Variants in SINHCAF observed in about 807,000 individuals in gnomAD.
SINHCAF encodes SIN3-HDAC complex-associated factor.
A neutral mutation model predicts 25.8 loss-of-function variants in SINHCAF; 3 were observed. The observed-to-expected ratio is 0.12, with a 90% CI of 0.05 to 0.30. The LOEUF (loss-of-function observed/expected upper bound fraction) is 0.30, where lower values mean the gene tolerates loss of function less well. Ranked by LOEUF, SINHCAF falls within the 10% of genes least tolerant of loss-of-function variation. The probability of loss-of-function intolerance (pLI) is 1.00; values close to 1 mark genes in which losing one functional copy is unlikely to be tolerated. For missense variants in SINHCAF, 121 were observed against 262.3 expected (o/e 0.46, Z 3.72); for synonymous variants, 70 against 85.5 (o/e 0.82, Z 1.00).
At chr12:31,323,901 G>C (rs1405957108) in intron 1 of SINHCAF, 4 of 453,576 alleles carry the variant, frequency 8.8e-6, no homozygotes, top group Non-Finnish European at 1.8e-5. Context: ...TCTGAAAGCA[G>C]TAAAATGCCT....
At chr12:31,302,814 C>T (rs1938862841) in intron 1 of SINHCAF, 1 of 442,688 alleles carries the variant, frequency 2.3e-6, no homozygotes, top group African/African-American at 2.2e-5. Context: ...TGATTGATTC[C>T]ATCCTGCCTT....
At chr12:31,304,343 A>G (rs1938939261) in intron 1 of SINHCAF, 2 of 152,216 alleles carry the variant, frequency 1.3e-5, no homozygotes, top group African/African-American at 4.8e-5. Flanking sequence ...TAAGCATGAT[A>G]TATAACAAAT....
intron 4 of SINHCAF, among the ~76,000 whole-genome samples, chr12:31,288,629 CGGTA>C (rs941725924): frequency 1.2e-3 from 92 of 74,214 alleles, no homozygotes; most frequent in Admixed American, 6.2e-3. Flanking sequence ...TAACACCTGG[CGGTA>C]AGTAATAGGG....
At chr12:31,314,387 G>C (rs1209548869) in intron 1 of SINHCAF, among the ~76,000 whole-genome samples, 1 of 152,014 alleles carries the variant, frequency 6.6e-6, no homozygotes, top group African/African-American at 2.4e-5. Context: ...ATAGCCGGGC[G>C]TGGTGGCGGG....
chr12:31,293,786 GTTGTAA>G lies in SINHCAF; in HGVS notation c.355+13_355+18del, dbSNP rs1453755448. On this transcript the variant is annotated intron_variant, in intron 4 of 5. Coordinates refer to ENST00000337682, the MANE Select transcript of SINHCAF (RefSeq NM_001135812.2). ...AACAAAACAATTATTAAGTACTAATGTTGTAATATCAAACTTACTATGACGTTTAAA... is the reference window on the plus strand; with the variant it reads ...AACAAAACAATTATTAAGTACTAATGTATCAAACTTACTATGACGTTTAAA... The G allele has an allele frequency of 1.3e-6, 2 of 1,592,712 alleles. No individual in the cohort carries two copies. The highest frequency in any genetic ancestry group is 1.7e-6 in the Non-Finnish European group (2 of 1,172,696).
chr12:31,323,866 G>A (rs1385110825), intron 1 of SINHCAF: 2 of 439,676 alleles, frequency 4.5e-6, no homozygotes, highest in East Asian at 1.5e-4. Context: ...CTGGGGAGGA[G>A]GTGCTCGCCG....
At chr12:31,291,132 G>A (rs1354774092) in intron 4 of SINHCAF, among the ~76,000 whole-genome samples, 1 of 152,142 alleles carries the variant, frequency 6.6e-6, no homozygotes, top group Non-Finnish European at 1.5e-5. Context: ...CAAAGCTGTG[G>A]AAGCCAAAAA....
In SINHCAF at chr12:31,292,520, G is replaced by T. The variant is rs895190867; in HGVS notation, c.355+1285C>A. 4.0e-5 allele frequency among the ~76,000 whole-genome samples: 6 copies of T among 151,652 alleles called. 1 individual carries two copies. Reference sequence around the variant, plus strand: ...TTTCAAAAAAAAAAAAGAAATAAAAGAAAATATCTAGTGAGAATGGAAGGT... The same window carrying T: ...TTTCAAAAAAAAAAAAGAAATAAAATAAAATATCTAGTGAGAATGGAAGGT... On this transcript the variant is annotated intron_variant, in intron 4 of 5. Transcript: ENST00000337682.
chr12:31,285,297 A>G (rs1429584142), intron 5 of SINHCAF, among the ~76,000 whole-genome samples: 1 of 151,916 alleles, frequency 6.6e-6, no homozygotes, highest in African/African-American at 2.4e-5. Flanking sequence ...CTGAGACAGG[A>G]AAATCGCTTG....
chr12:31,309,127 CAAAAAAAAAAAA>C (rs757095598), intron 1 of SINHCAF, among the ~76,000 whole-genome samples: 4 of 75,420 alleles, frequency 5.3e-5, no homozygotes, highest in Non-Finnish European at 7.7e-5. Context: ...GATTCTGTCT[CAAAAAAAAAAAA>C]AAAAAAAAAA....
At chr12:31,286,048 A>C (rs1462031562) in intron 5 of SINHCAF, among the ~76,000 whole-genome samples, 1 of 152,064 alleles carries the variant, frequency 6.6e-6, no homozygotes, top group Admixed American at 6.5e-5. Flanking sequence ...TACACTATGC[A>C]CTAGGCACTG....
At chr12:31,288,992 G>A (rs1938192653) in intron 4 of SINHCAF, among the ~76,000 whole-genome samples, 2 of 151,970 alleles carry the variant, frequency 1.3e-5, no homozygotes, top group South Asian at 4.2e-4. Flanking sequence ...AAAAATAAAT[G>A]GAAAATTTGT....
At position 31,307,001 on chromosome 12, in the gene SINHCAF, T is replaced by C. The variant is rs529830683; in HGVS notation, c.-20-8777A>G. Among the ~76,000 whole-genome samples the C allele has an allele frequency of 3.9e-5, 6 of 152,280 alleles. No homozygotes were observed. In the South Asian group the frequency reaches 1.2e-3, roughly 32 times the overall value. ...TAAGATACATCTGTAAACCATTCTG[T>C]CTTAGCATTATCTAGTGGTGATTCT... On this transcript the variant is annotated intron_variant, in intron 1 of 5. Transcript: ENST00000337682.
intron 1 of SINHCAF, among the ~76,000 whole-genome samples, chr12:31,302,775 T>C (rs1938860222): frequency 6.6e-6 from 1 of 152,082 alleles, no homozygotes; most frequent in Non-Finnish European, 1.5e-5. Context: ...TTAATAATTG[T>C]GTAGGCATCT....
At position 31,319,657 on chromosome 12, in the gene SINHCAF, TTC is replaced by T. The variant is rs143010324; in HGVS notation, c.-21+6365_-21+6366del. Among the ~76,000 whole-genome samples, 995 of 152,202 alleles carry T rather than the reference TTC, an allele frequency of 6.5e-3. 18 individuals carry two copies. Among genetic ancestry groups the T allele is most frequent in the African/African-American group, 0.022 (928 of 41,466 alleles). On this transcript the variant is annotated intron_variant, in intron 1 of 5. Coordinates refer to ENST00000337682, the MANE Select transcript of SINHCAF (RefSeq NM_001135812.2). ...CTTTTTACTCACCAATCTTTCTTCT[TTC>T]TCTCTTTTTTTCCTCTTACATTTCA...
chr12:31,319,679 A>G (rs1466499815), intron 1 of SINHCAF, among the ~76,000 whole-genome samples: 4 of 151,912 alleles, frequency 2.6e-5, no homozygotes. Flanking sequence ...TTCCTCTTAC[A>G]TTTCAGGTAT....
At position 31,281,937 on chromosome 12, in the gene SINHCAF, C is replaced by G. The variant is rs1331122240; in HGVS notation, c.*775G>C. On this transcript the variant is annotated 3_prime_UTR_variant, in exon 6 of 6. Coordinates refer to ENST00000337682, the MANE Select transcript of SINHCAF (RefSeq NM_001135812.2). ...AGCTCAGTCTGTCCTGCTTAATAAT[C>G]AGTAGTACAGGTGTGAATCATCAGA... The G allele has an allele frequency of 6.6e-6, 1 of 152,386 alleles. No homozygotes were observed. The highest frequency in any genetic ancestry group is 2.4e-5 in the African/African-American group (1 of 41,430). 9.4% of individuals were successfully genotyped at this position (152,386 alleles called of 1,614,324 possible).
intron 1 of SINHCAF, among the ~76,000 whole-genome samples, chr12:31,306,851 T>C (rs1309145849): frequency 6.6e-6 from 1 of 152,218 alleles, no homozygotes; most frequent in Non-Finnish European, 1.5e-5. Context: ...ACTTTATTCT[T>C]TGCTAGTTAA....
At chr12:31,299,039 TA>T (rs61329052) in intron 1 of SINHCAF, among the ~76,000 whole-genome samples, 385 of 141,318 alleles carry the variant, frequency 2.7e-3, no homozygotes, top group Non-Finnish European at 2.7e-3. Flanking sequence ...GTCCTCCTGT[TA>T]AAAAAAAAAA....
Sources: allele counts gnomAD v4.1 joint callset (sites outside exome capture counted in the v4.1 genomes callset), GRCh38; gene constraint gnomAD v4.1.1; transcripts MANE v1.5; gene names NCBI Gene and HGNC (gene_info 2026-07-23, HGNC 2026-07-21).